The following EEFSEC variants were observed in gnomAD, a reference collection of about 807,000 sequenced individuals.
The protein encoded by EEFSEC is eukaryotic elongation factor, selenocysteine-tRNA specific.
A neutral mutation model predicts 42.1 loss-of-function variants in EEFSEC; 43 were observed. The ratio of observed to expected loss-of-function variants is 1.02; its 90% CI spans 0.80 to 1.32. The LOEUF is 1.32. Among genes scored for constraint, EEFSEC ranks in the 40% most tolerant of loss-of-function variants. The pLI is 0.00. For synonymous variants in EEFSEC, 354 were observed against 339.1 expected (o/e 1.04, Z -0.48); for missense variants, 745 against 803.6 (o/e 0.93, Z 0.88).
intron 1 of EEFSEC, among the ~76,000 whole-genome samples, chr3:128,221,366 A>G (rs114460462): frequency 6.0e-4 from 91 of 152,342 alleles, no homozygotes; most frequent in African/African-American, 2.1e-3. Flanking sequence ...TTCACCTGGT[A>G]AATTAAGAAA....
chr3:128,175,135 G>A (rs1208345310), intron 1 of EEFSEC, among the ~76,000 whole-genome samples: 2 of 134,180 alleles, frequency 1.5e-5, no homozygotes, highest in African/African-American at 2.8e-5. Flanking sequence ...CTCTTCCCAC[G>A]CCTCCCCCCG....
chr3:128,153,773 C>T lies in EEFSEC; in HGVS notation c.266C>T (p.Thr89Met). ...PEPGEPLLQV[T>M]LVDCPGHASL... ...CCCGGCGAGCCACTGCTTCAGGTCA[C>T]GCTGGTCGACTGCCCCGGGCACGCC... Residue 89 changes from threonine (T) to methionine (M), a missense_variant, in exon 1 of 7, where the codon ACG becomes ATG. Physicochemically the swap from Thr to Met is moderately conservative, Grantham distance 81. Transcript: ENST00000254730. 1 of 1,536,910 alleles carries T rather than the reference C, an allele frequency of 6.5e-7. No individual in the cohort carries two copies. The highest frequency in any genetic ancestry group is 8.7e-7 in the Non-Finnish European group (1 of 1,148,708).
chr3:128,366,998 G>A (rs978941974), intron 6 of EEFSEC, among the ~76,000 whole-genome samples: 4 of 152,190 alleles, frequency 2.6e-5, no homozygotes, highest in African/African-American at 9.7e-5. Context: ...TGCAGGGTGG[G>A]TTTCTCCTGC....
intron 1 of EEFSEC, among the ~76,000 whole-genome samples, chr3:128,239,970 C>T (rs2066053124): frequency 6.6e-6 from 1 of 152,324 alleles, no homozygotes; most frequent in African/African-American, 2.4e-5. Context: ...GATGGAGTAA[C>T]CTGGTGGTTG....
chr3:128,334,231 C>A lies in EEFSEC; in HGVS notation c.787-7002C>A, dbSNP rs74711600. ...CGAGAAAGGGGGCTCATCTTACTTGCCCATTGGCATTGATGTGAGAGTCAC... is the reference window on the plus strand; with the variant it reads ...CGAGAAAGGGGGCTCATCTTACTTGACCATTGGCATTGATGTGAGAGTCAC... On this transcript the variant is annotated intron_variant, in intron 4 of 6. Coordinates refer to ENST00000254730, the MANE Select transcript of EEFSEC (RefSeq NM_021937.5). 7.2e-3 allele frequency among the ~76,000 whole-genome samples: 1,093 copies of A among 152,338 alleles called. 20 individuals carry two copies. Among genetic ancestry groups the A allele is most frequent in the African/African-American group, 0.025 (1,039 of 41,582 alleles).
chr3:128,398,051 G>T (rs545369758), intron 6 of EEFSEC, among the ~76,000 whole-genome samples: 2 of 152,382 alleles, frequency 1.3e-5, no homozygotes, highest in South Asian at 4.1e-4. Context: ...GAGCCCAGAA[G>T]GTGGGTGGGG....
At chr3:128,255,190 G>A (rs1320827941) in intron 2 of EEFSEC, among the ~76,000 whole-genome samples, 1 of 152,130 alleles carries the variant, frequency 6.6e-6, no homozygotes, top group Non-Finnish European at 1.5e-5. Flanking sequence ...GTATGCAGGG[G>A]AAGAGTTGGC....
At chr3:128,203,533 G>A (rs1559867011) in intron 1 of EEFSEC, among the ~76,000 whole-genome samples, 1 of 152,202 alleles carries the variant, frequency 6.6e-6, no homozygotes, top group East Asian at 1.9e-4. Context: ...CATGTGTTAG[G>A]TGTGAGTCCA....
chr3:128,256,851 C>G (rs2066246702), intron 2 of EEFSEC, among the ~76,000 whole-genome samples: 1 of 152,302 alleles, frequency 6.6e-6, no homozygotes, highest in East Asian at 1.9e-4. Context: ...TCAAGCAATC[C>G]TTCTGCTTCA....
chr3:128,334,546 C>A (rs775538108), intron 4 of EEFSEC, among the ~76,000 whole-genome samples: 1 of 152,232 alleles, frequency 6.6e-6, no homozygotes, highest in Non-Finnish European at 1.5e-5. Context: ...TTGGAGACAT[C>A]AAAAACCTCT....
At chr3:128,376,471 G>A (rs755298691) in intron 6 of EEFSEC, among the ~76,000 whole-genome samples, 5 of 152,162 alleles carry the variant, frequency 3.3e-5, no homozygotes, top group Non-Finnish European at 7.3e-5. Flanking sequence ...TTCTTCCCCA[G>A]AGGTGAGCTT....
At chr3:128,309,210 A>G (rs2066864579) in intron 4 of EEFSEC, among the ~76,000 whole-genome samples, 1 of 152,086 alleles carries the variant, frequency 6.6e-6, no homozygotes, top group Non-Finnish European at 1.5e-5. Flanking sequence ...TGGCTGTGGA[A>G]GTGGAGAGGA....
the EEFSEC span, among the ~76,000 whole-genome samples, chr3:128,413,982 C>T: frequency 6.6e-6 from 1 of 152,220 alleles, no homozygotes. Flanking sequence ...CGAGGGGCCG[C>T]TGGGCCCAAG....
Position 128,228,095 on chromosome 3 carries a change from C to G in EEFSEC, c.317-18741C>G, listed in dbSNP as rs886833889. Among the ~76,000 whole-genome samples, 45 of 151,488 alleles carry G rather than the reference C, an allele frequency of 3.0e-4. 1 individual carries two copies. The highest frequency in any genetic ancestry group is 2.4e-3 in the Admixed American group (37 of 15,176). On this transcript the variant is annotated intron_variant, in intron 1 of 6. Coordinates refer to ENST00000254730, the MANE Select transcript of EEFSEC (RefSeq NM_021937.5). ...GGTGTTCTAAGTAATTGAACAGGCC[C>G]GGTCATCTCTGACCTCTCAGTGCTT...
intron 1 of EEFSEC, among the ~76,000 whole-genome samples, chr3:128,176,452 T>C (rs576451230): frequency 1.3e-5 from 2 of 152,178 alleles, no homozygotes; most frequent in Non-Finnish European, 2.9e-5. Flanking sequence ...GGTGGAGTGT[T>C]AGCAAGCCAC....
chr3:128,374,317 T>C (rs2067686533), intron 6 of EEFSEC, among the ~76,000 whole-genome samples: 1 of 151,986 alleles, frequency 6.6e-6, no homozygotes, highest in African/African-American at 2.4e-5. Flanking sequence ...GCTGTGCTTG[T>C]AGACTTGTGT....
At chr3:128,233,916 C>T (rs920200542) in intron 1 of EEFSEC, among the ~76,000 whole-genome samples, 2 of 152,166 alleles carry the variant, frequency 1.3e-5, no homozygotes, top group Non-Finnish European at 2.9e-5. Context: ...ATGTTTCCTT[C>T]CTGGGCTATT....
At chr3:128,394,587 G>T (rs2067958107) in intron 6 of EEFSEC, among the ~76,000 whole-genome samples, 1 of 152,118 alleles carries the variant, frequency 6.6e-6, no homozygotes, top group Non-Finnish European at 1.5e-5. Flanking sequence ...TATTTTAATT[G>T]AAGATTAACT....
At chr3:128,372,887 G>A (rs772807707) in intron 6 of EEFSEC, among the ~76,000 whole-genome samples, 40 of 152,214 alleles carry the variant, frequency 2.6e-4, no homozygotes, top group Non-Finnish European at 3.7e-4. Context: ...TTAGAGCTGC[G>A]CCTAGCGAGG....
Sources: gnomAD v4.1 joint callset for allele counts (sites outside exome capture counted in the v4.1 genomes callset) on GRCh38, gnomAD v4.1.1 for gene constraint, MANE v1.5 for transcripts, NCBI Gene and HGNC (gene_info 2026-07-23, HGNC 2026-07-21) for gene names.